The following MECR variants were observed in gnomAD, a reference collection of about 807,000 sequenced individuals.
MECR encodes enoyl-[acyl-carrier-protein] reductase, mitochondrial.
A neutral mutation model predicts 49.1 loss-of-function variants in MECR; 37 were observed. The ratio of observed to expected loss-of-function variants is 0.75; its 90% confidence interval spans 0.58 to 0.99. The LOEUF is 0.99. Ranked by LOEUF, MECR falls within the 50% of genes least tolerant of loss-of-function variation. The pLI, the probability that MECR is intolerant of heterozygous loss-of-function variation, is 0.00. For missense variants in MECR, 470 were observed against 479.6 expected, an observed-to-expected ratio of 0.98 and a Z score of 0.19; for synonymous variants, 198 against 191.1, an observed-to-expected ratio of 1.04 and a Z score of -0.30.
chr1:29,224,078 C>T (rs780232606), intron 1 of MECR: 9 of 152,160 alleles, frequency 5.9e-5, no homozygotes, highest in Non-Finnish European at 1.0e-4. Context: ...GGCAAAGAAA[C>T]CTTCTCAATC....
chr1:29,192,038 G>A (rs1673151165), downstream of MECR, among the ~76,000 whole-genome samples: 1 of 152,044 alleles, frequency 6.6e-6, no homozygotes, highest in Non-Finnish European at 1.5e-5. Flanking sequence ...GCTGCAGCGA[G>A]CCAAGATCGC....
chr1:29,190,490 C>G (rs1236433833), downstream of MECR, among the ~76,000 whole-genome samples: 1 of 151,096 alleles, frequency 6.6e-6, no homozygotes, highest in Non-Finnish European at 1.5e-5. Flanking sequence ...TGCAGGCCTG[C>G]TATATTTTAA....
chr1:29,206,740 C>T, intron 4 of MECR, 22 bp downstream of exon 4: 1 of 1,613,428 alleles, frequency 6.2e-7, no homozygotes, highest in Non-Finnish European at 8.5e-7. Context: ...CTGGCCTGCT[C>T]CCCCAACCTG....
chr1:29,202,072 C>T, intron 5 of MECR, 27 bp from the exon 6 acceptor site: 2 of 1,593,686 alleles, frequency 1.3e-6, no homozygotes, highest in South Asian at 1.1e-5. Context: ...GGTCCCTGGT[C>T]ACATCTGCCA....
the MECR span, among the ~76,000 whole-genome samples, chr1:29,179,949 T>C: frequency 9.0e-4 from 137 of 152,376 alleles, 1 homozygote; most frequent in Middle Eastern, 3.4e-3. Context: ...TCCTGCACAC[T>C]ATCACCTGAG....
the MECR span, among the ~76,000 whole-genome samples, chr1:29,177,001 T>C: frequency 7.6e-6 from 1 of 131,064 alleles, no homozygotes; most frequent in African/African-American, 2.5e-5. Context: ...ATAATCTTAA[T>C]ATGTGGTAAG....
chr1:29,208,062 G>A (rs1014731172), intron 3 of MECR, among the ~76,000 whole-genome samples: 3 of 151,836 alleles, frequency 2.0e-5, no homozygotes, highest in Admixed American at 1.3e-4. Context: ...GCATGATCTC[G>A]GCTCACTGCA....
At chr1:29,183,440 T>G in the MECR span, among the ~76,000 whole-genome samples, 1 of 152,186 alleles carries the variant, frequency 6.6e-6, no homozygotes, top group African/African-American at 2.4e-5. Context: ...AAATAGGATA[T>G]TTGGGTCAGA....
chr1:29,214,557 T>A (rs1053676010), intron 3 of MECR, among the ~76,000 whole-genome samples: 1 of 151,766 alleles, frequency 6.6e-6, no homozygotes, highest in Non-Finnish European at 1.5e-5. Flanking sequence ...AGACAGGGTT[T>A]CACCATGTTG....
chr1:29,207,009 T>C, intron 3 of MECR, 104 bp from the exon 4 acceptor site: 15 of 1,251,890 alleles, frequency 1.2e-5, no homozygotes, highest in African/African-American at 3.0e-5. Context: ...GTGGGTAGCA[T>C]CCACTGGAAG....
intron 1 of MECR, among the ~76,000 whole-genome samples, chr1:29,228,533 G>C (rs1682671415): frequency 6.6e-6 from 1 of 152,014 alleles, no homozygotes; most frequent in African/African-American, 2.4e-5. Flanking sequence ...TGTATTTTTA[G>C]TAGAGACAGG....
the MECR span, among the ~76,000 whole-genome samples, chr1:29,167,792 C>A: frequency 3.9e-5 from 6 of 152,194 alleles, no homozygotes; most frequent in African/African-American, 1.4e-4. Context: ...GGCTATTTAG[C>A]ACAGTGCCTG....
chr1:29,215,702 C>T, intron 3 of MECR, among the ~76,000 whole-genome samples: 1 of 151,810 alleles, frequency 6.6e-6, no homozygotes, highest in Non-Finnish European at 1.5e-5. Context: ...GAAACCCCAT[C>T]TCTACTAACA....
At chr1:29,223,447 T>C in intron 1 of MECR, 1 of 208,824 alleles carries the variant, frequency 4.8e-6, no homozygotes, top group Non-Finnish European at 8.4e-6. Context: ...CATTTGTACT[T>C]ATCTTTCATC....
chr1:29,203,716 T>C (rs1326456845), intron 4 of MECR, among the ~76,000 whole-genome samples: 1 of 152,240 alleles, frequency 6.6e-6, no homozygotes, highest in African/African-American at 2.4e-5. Context: ...TCTGTATTAA[T>C]GCACATACCA....
chr1:29,216,523 A>C, intron 2 of MECR, 65 bp downstream of exon 2: 1 of 1,477,700 alleles, frequency 6.8e-7, no homozygotes, highest in Non-Finnish European at 9.5e-7. Flanking sequence ...CCTGAGGAGG[A>C]ATGAAAATGA....
chr1:29,213,592 G>A (rs1241725374), intron 3 of MECR, among the ~76,000 whole-genome samples: 1 of 152,222 alleles, frequency 6.6e-6, no homozygotes, highest in Non-Finnish European at 1.5e-5. Context: ...GGGCCCTTCT[G>A]GGGGATGGAT....
chr1:29,199,396 T>C (rs762118151), intron 7 of MECR, among the ~76,000 whole-genome samples: 27 of 140,556 alleles, frequency 1.9e-4, no homozygotes, highest in Non-Finnish European at 3.9e-4. Flanking sequence ...CCTGGCTAAT[T>C]TTTTGTATTT....
rs777279521 is a variant in MECR at position 29,216,069 on chromosome 1, C to G, written c.342G>C (p.Ala114=). The G allele has an allele frequency of 6.2e-7, 1 of 1,613,958 alleles. No homozygotes were observed. The highest frequency in any genetic ancestry group is 1.3e-5 in the African/African-American group (1 of 74,908). ...GGNEGVAQVV[A]VGSNVTGLKP... The stretch of plus-strand genomic sequence containing the variant: ...TCAGCCCGGTCACATTGCTGCCCAC[C>G]GCTACCACCTGTGCAACACCTTCGT... Residue 114 remains alanine (A), a synonymous_variant, in exon 3 of 10, where the codon GCG becomes GCC. Transcript: ENST00000263702.
Sources: allele counts gnomAD v4.1 joint callset (sites outside exome capture counted in the v4.1 genomes callset), GRCh38; gene constraint gnomAD v4.1.1; transcripts MANE v1.5; gene names NCBI Gene and HGNC (gene_info 2026-07-23, HGNC 2026-07-21).